CDYL: variants seen among roughly 807,000 people sequenced by gnomAD.
CDYL encodes chromodomain Y-like protein.
In CDYL, 8 loss-of-function variants were observed where a neutral mutation model predicts 47.3. The ratio of observed to expected loss-of-function variants is 0.17; its 90% CI spans 0.10 to 0.31. The LOEUF (loss-of-function observed/expected upper bound fraction) is 0.31. Ranked by LOEUF, CDYL falls within the 10% of genes least tolerant of loss-of-function variation. The probability of loss-of-function intolerance (pLI) is 1.00; values close to 1 mark genes in which losing one functional copy is unlikely to be tolerated. For missense variants in CDYL, 471 were observed against 701.4 expected, an observed-to-expected ratio of 0.67 and a Z score of 3.71; for synonymous variants, 266 against 265.0, an observed-to-expected ratio of 1.00 and a Z score of -0.04.
chr6:4,783,085 T>C (rs1034671308), intron 1 of CDYL, among the ~76,000 whole-genome samples: 1 of 152,124 alleles, frequency 6.6e-6, no homozygotes, highest in African/African-American at 2.4e-5. Context: ...AATAGAACAT[T>C]ATTATTTTAT....
intron 2 of CDYL, among the ~76,000 whole-genome samples, chr6:4,732,667 A>C (rs1315252018): frequency 6.6e-6 from 1 of 150,956 alleles, no homozygotes; most frequent in Non-Finnish European, 1.5e-5. Context: ...TGTTTTTTAA[A>C]AAAAAAGAGG....
intron 1 of CDYL, among the ~76,000 whole-genome samples, chr6:4,823,256 CAAAG>C (rs1759889506): frequency 6.6e-6 from 1 of 152,146 alleles, no homozygotes; most frequent in South Asian, 2.1e-4. Context: ...GGGTTCAACA[CAAAG>C]AACAAATATT....
intron 2 of CDYL, among the ~76,000 whole-genome samples, chr6:4,729,745 C>G (rs952791420): frequency 6.6e-6 from 1 of 152,160 alleles, no homozygotes; most frequent in Non-Finnish European, 1.5e-5. Flanking sequence ...GGGTGAAATC[C>G]TGTCTCTACA....
chr6:4,868,428 C>T (rs1381351456), intron 1 of CDYL, among the ~76,000 whole-genome samples: 1 of 151,520 alleles, frequency 6.6e-6, no homozygotes, highest in East Asian at 1.9e-4. Flanking sequence ...TTGTTGATTT[C>T]TAATTTAATT....
chr6:4,906,803 G>A (rs1243859911), intron 2 of CDYL, among the ~76,000 whole-genome samples: 2 of 150,114 alleles, frequency 1.3e-5, no homozygotes, highest in Admixed American at 1.3e-4. Flanking sequence ...GTTTTATCTG[G>A]GGGAGAAGGA....
At chr6:4,789,568 G>A (rs1249349621) in intron 1 of CDYL, among the ~76,000 whole-genome samples, 2 of 152,190 alleles carry the variant, frequency 1.3e-5, no homozygotes, top group East Asian at 1.9e-4. Flanking sequence ...CTGCTACCCA[G>A]TACAGTCCTT....
At chr6:4,770,476 A>G (rs1253078801) in intron 3 of CDYL, among the ~76,000 whole-genome samples, 1 of 152,180 alleles carries the variant, frequency 6.6e-6, no homozygotes, top group Non-Finnish European at 1.5e-5. Flanking sequence ...AAATAGCTTA[A>G]TATTTGTAAA....
At chr6:4,810,878 T>C (rs79039911) in intron 1 of CDYL, among the ~76,000 whole-genome samples, 3,717 of 152,344 alleles carry the variant, frequency 0.024, 161 homozygotes, top group African/African-American at 0.085. Context: ...GTCTAACCTT[T>C]TAGTACCATC....
chr6:4,761,293 G>T (rs1332619058), intron 3 of CDYL, among the ~76,000 whole-genome samples: 1 of 152,132 alleles, frequency 6.6e-6, no homozygotes, highest in African/African-American at 2.4e-5. Context: ...GGAATATAAG[G>T]TACCATGAGA....
intron 1 of CDYL, among the ~76,000 whole-genome samples, chr6:4,777,092 T>G (rs556899520): frequency 7.1e-6 from 1 of 140,470 alleles, no homozygotes; most frequent in African/African-American, 2.7e-5. Flanking sequence ...GAGCTCAAAG[T>G]GCTCTTGGCG....
At chr6:4,776,828 C>A in intron 1 of CDYL, 21 bp downstream of exon 1, 1 of 965,948 alleles carries the variant, frequency 1.0e-6, no homozygotes, top group Non-Finnish European at 1.2e-6. Context: ...TCCCCCCGGC[C>A]TCGGGCCGCC....
intron 1 of CDYL, among the ~76,000 whole-genome samples, chr6:4,867,228 A>T (rs972292789): frequency 2.6e-5 from 4 of 152,020 alleles, no homozygotes; most frequent in African/African-American, 9.7e-5. Context: ...AAACTCATTT[A>T]TTAGTTCTCA....
chr6:4,737,110 G>A (rs543269750), intron 3 of CDYL, among the ~76,000 whole-genome samples: 1 of 152,128 alleles, frequency 6.6e-6, no homozygotes, highest in African/African-American at 2.4e-5. Context: ...AAACTCCTTT[G>A]TACTGTCTTT....
At chr6:4,904,843 C>A (rs187981211) in intron 2 of CDYL, among the ~76,000 whole-genome samples, 1 of 152,306 alleles carries the variant, frequency 6.6e-6, no homozygotes, top group Middle Eastern at 3.4e-3. Flanking sequence ...GTGTTAGCCA[C>A]TTAGACTACA....
intron 4 of CDYL, among the ~76,000 whole-genome samples, chr6:4,940,301 C>T (rs904855051): frequency 6.6e-6 from 1 of 152,218 alleles, no homozygotes; most frequent in South Asian, 2.1e-4. Context: ...TTAATGTAGT[C>T]TGGCAAGATC....
chr6:4,783,004 C>G (rs1029578112), intron 1 of CDYL, among the ~76,000 whole-genome samples: 2 of 152,266 alleles, frequency 1.3e-5, no homozygotes, highest in African/African-American at 4.8e-5. Flanking sequence ...TTTTACATTC[C>G]TTGAACCCTG....
At chr6:4,715,939 G>A (rs904484761) in intron 2 of CDYL, 2 of 1,570,024 alleles carry the variant, frequency 1.3e-6, no homozygotes, top group Non-Finnish European at 8.6e-7. Context: ...TCTTAGAGAG[G>A]CCCCTTTTAT....
chr6:4,724,187 T>A (rs748988151), intron 2 of CDYL, among the ~76,000 whole-genome samples: 3 of 152,032 alleles, frequency 2.0e-5, no homozygotes, highest in African/African-American at 7.3e-5. Context: ...ACCACAGGCA[T>A]GTGCCATCAC....
intron 4 of CDYL, among the ~76,000 whole-genome samples, chr6:4,941,139 C>G (rs1237788510): frequency 2.0e-5 from 3 of 152,252 alleles, no homozygotes; most frequent in African/African-American, 7.2e-5. Flanking sequence ...GCCTTGAATT[C>G]AATTCCAAAG....
Sources: allele counts gnomAD v4.1 joint callset (sites outside exome capture counted in the v4.1 genomes callset), GRCh38; gene constraint gnomAD v4.1.1; transcripts MANE v1.5; gene names NCBI Gene and HGNC (gene_info 2026-07-23, HGNC 2026-07-21).